Variants in NVL observed in about 807,000 individuals in gnomAD.
NVL encodes the protein nuclear valosin-containing protein-like.
In NVL, 84 loss-of-function variants were observed where a neutral mutation model predicts 110.2. The ratio of observed to expected loss-of-function variants is 0.76; its 90% CI spans 0.64 to 0.91. The LOEUF (loss-of-function observed/expected upper bound fraction) is 0.91. Ranked by LOEUF, NVL falls within the 40% of genes least tolerant of loss-of-function variation. The pLI is 0.00. For missense variants in NVL, 882 were observed against 1,035.9 expected, an observed-to-expected ratio of 0.85 and a Z score of 2.04; for synonymous variants, 354 against 361.1, an observed-to-expected ratio of 0.98 and a Z score of 0.22.
chr1:224,328,352 C>A (rs1671345606), intron 1 of NVL, among the ~76,000 whole-genome samples: 1 of 151,786 alleles, frequency 6.6e-6, no homozygotes, highest in African/African-American at 2.4e-5. Context: ...AAATCCCATC[C>A]CTACTAAAAA....
chr1:224,326,495 A>T (rs768527230), intron 1 of NVL, 31 bp from the exon 2 acceptor site: 2 of 1,433,390 alleles, frequency 1.4e-6, no homozygotes, highest in Middle Eastern at 1.8e-4. Context: ...AATACAAAAC[A>T]CCCAATATTT....
intron 18 of NVL, among the ~76,000 whole-genome samples, chr1:224,258,117 A>C (rs192671071): frequency 2.0e-5 from 3 of 152,348 alleles, no homozygotes; most frequent in Admixed American, 2.0e-4. Context: ...GTGAATAGAC[A>C]ACCCACAGAT....
chr1:224,246,513 C>A (rs1003697507), intron 19 of NVL, among the ~76,000 whole-genome samples: 32 of 152,156 alleles, frequency 2.1e-4, no homozygotes, highest in Non-Finnish European at 2.8e-4. Context: ...GCTCTGAATA[C>A]CACATGCCTC....
At chr1:224,252,043 C>T (rs1030519943) in intron 18 of NVL, among the ~76,000 whole-genome samples, 3 of 152,166 alleles carry the variant, frequency 2.0e-5, no homozygotes, top group African/African-American at 7.2e-5. Context: ...TGACCATCTT[C>T]CTTTCTGGTT....
chr1:224,241,870 T>G (rs34251261), intron 19 of NVL, among the ~76,000 whole-genome samples: 124,045 of 146,706 alleles, frequency 0.85, 52,836 homozygotes, highest in South Asian at 0.91. Context: ...AAAAAAAAAA[T>G]AAAAAGAAAA....
Position 224,240,020 on chromosome 1 carries a change from C to T in NVL, c.2290-3438G>A, listed in dbSNP as rs556422681. On this transcript the variant is annotated intron_variant, in intron 19 of 22. Coordinates refer to ENST00000281701, the MANE Select transcript of NVL (RefSeq NM_002533.4). ...TCAAGCGATTCTCCTGCCTCAGCCC[C>T]GAGTAGCTGGGATTACAGGCATGCG... Among the ~76,000 whole-genome samples the T allele has an allele frequency of 2.7e-3, 403 of 151,044 alleles. 1 individual carries two copies. The Middle Eastern group carries it at 0.034, about 13-fold the overall frequency.
In NVL at chr1:224,288,037, A is replaced by G. The variant is rs1167798114; in HGVS notation, c.1576-44T>C. The G allele has an allele frequency of 2.8e-6, 4 of 1,407,742 alleles. No homozygotes were observed. In the Admixed American group the frequency reaches 7.2e-5, roughly 25 times the overall value. 87.2% of individuals were successfully genotyped at this position (1,407,742 alleles called of 1,614,324 possible). A position where few individuals can be genotyped will look rare whatever the true frequency, so the allele number is the denominator to read the frequency against. On this transcript the variant is annotated intron_variant, in intron 13 of 22. Coordinates refer to ENST00000281701, the MANE Select transcript of NVL (RefSeq NM_002533.4). Reference sequence around the variant, plus strand: ...GGGGAAAAAAATAAAGAAACACCACAACAGCTATTGAAAAGTTACATTTTC... The same window carrying G: ...GGGGAAAAAAATAAAGAAACACCACGACAGCTATTGAAAAGTTACATTTTC...
At chr1:224,305,197 G>A (rs1668798242) in intron 6 of NVL, 31 bp from the exon 7 acceptor site, 1 of 1,580,160 alleles carries the variant, frequency 6.3e-7, no homozygotes, top group African/African-American at 1.4e-5. Flanking sequence ...AATATGCCAT[G>A]CTTAAAATTC....
Position 224,317,753 on chromosome 1 carries a change from T to C in NVL, c.225A>G (p.Leu75=), listed in dbSNP as rs1228599944. 1 of 1,610,150 alleles carries C rather than the reference T, an allele frequency of 6.2e-7. No individual in the cohort carries two copies. The change falls in exon 4 of 23, where the codon TTA becomes TTG. Residue 75 remains leucine, a synonymous_variant. Transcript: ENST00000281701. ...IISSEKELKN[L]TELEDEHLAK... ...CCAAATGTTCATCTTCTAATTCTGT[T>C]AAATTCTTAAGTTCCTTCTCACTAC... is the stretch of plus-strand genomic sequence containing the variant.
At chr1:224,309,232 T>C (rs1669277256) in intron 5 of NVL, among the ~76,000 whole-genome samples, 1 of 151,976 alleles carries the variant, frequency 6.6e-6, no homozygotes, top group Admixed American at 6.6e-5. Flanking sequence ...CAAAGCAAAA[T>C]TGGGACTGGG....
chr1:224,263,682 C>T (rs1232555480), intron 18 of NVL, among the ~76,000 whole-genome samples: 1 of 152,182 alleles, frequency 6.6e-6, no homozygotes, highest in Admixed American at 6.5e-5. Context: ...TCTTACTTCT[C>T]CCATTAAGCT....
rs61084002 is a variant in NVL at position 224,301,798 on chromosome 1, CAAA to C, written c.961-1138_961-1136del. ...TGGGCAACAGAGAGAAAATCTGTTT[CAAA>C]AAAAAAAAAAAAAAAAAAAAGAGAG... is the stretch of plus-strand genomic sequence containing the variant. On this transcript the variant is annotated intron_variant, in intron 9 of 22. Transcript: ENST00000281701. 1.5e-3 allele frequency: 117 copies of C among 75,902 alleles called. No individual in the cohort carries two copies. In the South Asian group the frequency reaches 0.017, roughly 11 times the overall value. The allele number at this position is 75,902 out of a possible 1,614,324, so 4.7% of individuals were successfully genotyped here. A position where few individuals can be genotyped will look rare whatever the true frequency, so the allele number is the denominator to read the frequency against.
rs560986295 is a variant in NVL, at chr1:224,280,183, T to G, written c.1962+940A>C. 8.0e-5 allele frequency among the ~76,000 whole-genome samples: 12 copies of G among 150,810 alleles called. No individual in the cohort carries two copies. In the East Asian group the frequency reaches 9.7e-4, roughly 12 times the overall value. ...AGTGTACTGCTGTTTTTTTTTGTTT[T>G]TTTTTTTTTTGCTGGGTGATAGATA... is the stretch of plus-strand genomic sequence containing the variant. On this transcript the variant is annotated intron_variant, in intron 16 of 22. Transcript: ENST00000281701.
At chr1:224,304,664 A>G in intron 8 of NVL, 72 bp downstream of exon 8, 1 of 1,299,624 alleles carries the variant, frequency 7.7e-7, no homozygotes, top group South Asian at 1.2e-5. Context: ...TTAGAAACAA[A>G]GAGGTAGGCT....
chr1:224,255,233 A>G (rs1193645163), intron 18 of NVL, among the ~76,000 whole-genome samples: 1 of 113,138 alleles, frequency 8.8e-6, no homozygotes, highest in African/African-American at 3.4e-5. Context: ...TCTGCCGTCC[A>G]GGCTGGAATG....
chr1:224,319,113 C>G (rs1290763690), intron 2 of NVL, among the ~76,000 whole-genome samples: 2 of 128,010 alleles, frequency 1.6e-5, no homozygotes, highest in African/African-American at 6.0e-5. Flanking sequence ...CGAGATCACA[C>G]CACTGCACTC....
At chr1:224,307,768 C>T (rs1422805199) in intron 6 of NVL, among the ~76,000 whole-genome samples, 1 of 147,660 alleles carries the variant, frequency 6.8e-6, no homozygotes, top group African/African-American at 2.5e-5. Flanking sequence ...AGAAAGGACA[C>T]AGACTCCAGC....
chr1:224,297,711 T>G (rs1668009198), intron 10 of NVL: 1 of 169,846 alleles, frequency 5.9e-6, no homozygotes, highest in African/African-American at 2.4e-5. Context: ...TCAGAAAACA[T>G]GGAGCTGTTC....
chr1:224,245,063 T>A (rs1395879924), intron 19 of NVL, among the ~76,000 whole-genome samples: 1 of 152,140 alleles, frequency 6.6e-6, no homozygotes, highest in Non-Finnish European at 1.5e-5. Context: ...ATTTCAGACT[T>A]TTAAGAACAG....
Sources: allele counts gnomAD v4.1 joint callset (sites outside exome capture counted in the v4.1 genomes callset), GRCh38; gene constraint gnomAD v4.1.1; transcripts MANE v1.5; gene names NCBI Gene and HGNC (gene_info 2026-07-23, HGNC 2026-07-21).